Variants in CNTNAP5 observed in about 807,000 individuals in gnomAD.
CNTNAP5 encodes contactin-associated protein-like 5.
CNTNAP5 carries 72 observed loss-of-function variants against 150.2 expected under a neutral mutation model. The ratio of observed to expected loss-of-function variants is 0.48; its 90% confidence interval spans 0.40 to 0.58. The LOEUF is 0.58. Ranked by LOEUF, CNTNAP5 falls within the 20% of genes least tolerant of loss-of-function variation. The pLI, the probability that CNTNAP5 is intolerant of heterozygous loss-of-function variation, is 0.00. For missense variants in CNTNAP5, 1,636 were observed against 1,626.2 expected (o/e 1.01, Z -0.10); for synonymous variants, 672 against 619.8 (o/e 1.08, Z -1.25).
chr2:124,039,784 A>G (rs1359536385), intron 1 of CNTNAP5, among the ~76,000 whole-genome samples: 1 of 152,186 alleles, frequency 6.6e-6, no homozygotes, highest in Non-Finnish European at 1.5e-5. Flanking sequence ...ATGAGCAATA[A>G]TTAAATATAG....
Position 124,609,911 on chromosome 2 carries a change from A to G in CNTNAP5, c.1867A>G (p.Asn623Asp), listed in dbSNP as rs1034256899. Residue 623 changes from asparagine to aspartate, a missense_variant, in exon 12 of 24, where the codon AAT becomes GAT. Coordinates refer to ENST00000682447, the MANE Select transcript of CNTNAP5 (RefSeq NM_001367498.1). ...ACTGGGACCTCTCCAGGTGTACTGC[A>G]ATATCACTGGTAAGGGTGCAGTAGC... ...GPLGPLQVYC[N>D]ITEDKIWTSV... The G allele has an allele frequency of 3.1e-6, 5 of 1,613,578 alleles. No individual in the cohort carries two copies. In the South Asian group the frequency reaches 3.3e-5, roughly 11 times the overall value.
chr2:124,114,309 T>A (rs1683374646), intron 1 of CNTNAP5, among the ~76,000 whole-genome samples: 1 of 152,056 alleles, frequency 6.6e-6, no homozygotes, highest in Non-Finnish European at 1.5e-5. Flanking sequence ...CTCAATGATG[T>A]TTTAAAATTT....
At chr2:124,415,922 A>T (rs1267445446) in intron 3 of CNTNAP5, among the ~76,000 whole-genome samples, 1 of 152,210 alleles carries the variant, frequency 6.6e-6, no homozygotes. Flanking sequence ...AAACCCCCCA[A>T]TAATTTTCAG....
At chr2:124,451,255 A>C (rs1197498019) in intron 6 of CNTNAP5, among the ~76,000 whole-genome samples, 1 of 151,358 alleles carries the variant, frequency 6.6e-6, no homozygotes, top group Non-Finnish European at 1.5e-5. Flanking sequence ...ACAAACAAAA[A>C]ATTAGATTGA....
chr2:124,814,243 CTT>C (rs113061644), intron 19 of CNTNAP5, among the ~76,000 whole-genome samples: 11 of 143,334 alleles, frequency 7.7e-5, no homozygotes, highest in African/African-American at 1.0e-4. Context: ...CTCGAATCCT[CTT>C]TTTTTTTTTT....
intron 1 of CNTNAP5, among the ~76,000 whole-genome samples, chr2:124,034,447 A>G (rs1188213528): frequency 1.3e-5 from 2 of 152,188 alleles, no homozygotes; most frequent in East Asian, 1.9e-4. Context: ...ATTTGTTCTC[A>G]TTTTATCTCC....
intron 21 of CNTNAP5, among the ~76,000 whole-genome samples, chr2:124,880,152 C>T (rs1198411060): frequency 1.3e-5 from 2 of 152,084 alleles, no homozygotes; most frequent in Non-Finnish European, 2.9e-5. Flanking sequence ...ATTAACATAA[C>T]GTAAAGCTCA....
intron 19 of CNTNAP5, among the ~76,000 whole-genome samples, chr2:124,836,498 T>C (rs773986699): frequency 6.6e-6 from 1 of 152,116 alleles, no homozygotes; most frequent in Non-Finnish European, 1.5e-5. Context: ...TTTTCTGTTT[T>C]GCTTTTGATT....
At chr2:124,844,734 G>A (rs773162939) in intron 19 of CNTNAP5, among the ~76,000 whole-genome samples, 3 of 151,650 alleles carry the variant, frequency 2.0e-5, no homozygotes, top group African/African-American at 4.8e-5. Flanking sequence ...TTCCACCAAT[G>A]TGAAATGGGT....
chr2:124,338,458 A>G (rs1689530883), intron 3 of CNTNAP5, among the ~76,000 whole-genome samples: 1 of 152,136 alleles, frequency 6.6e-6, no homozygotes, highest in Admixed American at 6.6e-5. Context: ...TTCTTCTATA[A>G]GGGCCTTTTG....
chr2:124,247,996 T>C (rs1687073032), intron 3 of CNTNAP5, among the ~76,000 whole-genome samples: 1 of 152,222 alleles, frequency 6.6e-6, no homozygotes, highest in African/African-American at 2.4e-5. Flanking sequence ...ATTTCAGTTT[T>C]GGCAATTATT....
chr2:124,657,948 T>C (rs1678493913), intron 13 of CNTNAP5, among the ~76,000 whole-genome samples: 1 of 152,262 alleles, frequency 6.6e-6, no homozygotes, highest in Non-Finnish European at 1.5e-5. Flanking sequence ...TCAGATACCT[T>C]CTTCTTGCTT....
At chr2:124,044,388 G>T (rs1681470747) in intron 1 of CNTNAP5, among the ~76,000 whole-genome samples, 1 of 152,196 alleles carries the variant, frequency 6.6e-6, no homozygotes, top group African/African-American at 2.4e-5. Context: ...TTACGCTGGA[G>T]AAAAGATTTC....
intron 1 of CNTNAP5, among the ~76,000 whole-genome samples, chr2:124,044,572 T>G (rs1681474958): frequency 1.3e-5 from 2 of 152,090 alleles, no homozygotes; most frequent in Admixed American, 6.5e-5. Context: ...CCATGGCTAT[T>G]TTTTTTCAAA....
intron 3 of CNTNAP5, among the ~76,000 whole-genome samples, chr2:124,303,337 C>T (rs371877767): frequency 6.6e-6 from 1 of 152,164 alleles, no homozygotes; most frequent in Non-Finnish European, 1.5e-5. Flanking sequence ...TCATGATACA[C>T]ATTTCTAAAT....
chr2:124,293,628 G>A (rs770763853), intron 3 of CNTNAP5, among the ~76,000 whole-genome samples: 26 of 151,698 alleles, frequency 1.7e-4, no homozygotes, highest in Non-Finnish European at 3.2e-4. Context: ...TAAATCAAAG[G>A]CATTTACTAG....
At chr2:124,076,093 A>G (rs1267169460) in intron 1 of CNTNAP5, among the ~76,000 whole-genome samples, 1 of 152,174 alleles carries the variant, frequency 6.6e-6, no homozygotes, top group Non-Finnish European at 1.5e-5. Context: ...ATATGTATTA[A>G]GTGGTAAAGG....
At chr2:124,320,488 G>T (rs1055204734) in intron 3 of CNTNAP5, among the ~76,000 whole-genome samples, 2 of 152,100 alleles carry the variant, frequency 1.3e-5, no homozygotes, top group Non-Finnish European at 1.5e-5. Flanking sequence ...CGCATTTACT[G>T]CCCACTTCTG....
At chr2:124,213,964 T>G (rs1336050137) in intron 1 of CNTNAP5, among the ~76,000 whole-genome samples, 1 of 152,214 alleles carries the variant, frequency 6.6e-6, no homozygotes, top group Admixed American at 6.5e-5. Flanking sequence ...GAGAGAGGTC[T>G]GCCGTCATAT....
Sources: allele counts gnomAD v4.1 joint callset (sites outside exome capture counted in the v4.1 genomes callset), GRCh38; gene constraint gnomAD v4.1.1; transcripts MANE v1.5; gene names NCBI Gene and HGNC (gene_info 2026-07-23, HGNC 2026-07-21).